The following TFAP4 variants were observed in gnomAD, a reference collection of about 807,000 sequenced individuals.
TFAP4 encodes the protein transcription factor AP-4.
TFAP4 carries 7 observed loss-of-function variants against 40.4 expected under a neutral mutation model. The ratio of observed to expected loss-of-function variants is 0.17; its 90% confidence interval spans 0.10 to 0.33. The LOEUF (loss-of-function observed/expected upper bound fraction) is 0.33, where lower values mean the gene tolerates loss of function less well. Ranked by LOEUF, TFAP4 falls within the 10% of genes least tolerant of loss-of-function variation. TFAP4 has a pLI of 1.00. For synonymous variants in TFAP4, 218 were observed against 181.4 expected, an observed-to-expected ratio of 1.20 and a Z score of -1.62; for missense variants, 374 against 451.1, an observed-to-expected ratio of 0.83 and a Z score of 1.55.
In TFAP4 at chr16:4,272,852, G is replaced by C. The variant is rs1409574134; in HGVS notation, c.-106C>G. The C allele has an allele frequency of 9.5e-6, 9 of 946,660 alleles. No individual in the cohort carries two copies. The highest frequency in any genetic ancestry group is 1.7e-5 in the African/African-American group (1 of 59,536). The allele number at this position is 946,660 out of a possible 1,614,324, so 58.6% of individuals were successfully genotyped here. On this transcript the variant is annotated 5_prime_UTR_variant, in exon 1 of 7. Transcript: ENST00000204517. Reference sequence around the variant, plus strand: ...CAGCGCCGGACGGAGGTGCAGAATCGGCCGGTCCCAGATGCTGGCGGCGGC... The same window carrying C: ...CAGCGCCGGACGGAGGTGCAGAATCCGCCGGTCCCAGATGCTGGCGGCGGC...
intron 1 of TFAP4, among the ~76,000 whole-genome samples, chr16:4,271,024 T>G (rs1178455339): frequency 6.6e-6 from 1 of 152,186 alleles, no homozygotes. Context: ...GCAAAGTGAG[T>G]CCCCAGAACA....
At chr16:4,260,731 T>C in intron 4 of TFAP4, 136 bp from the exon 5 acceptor site, 1 of 1,020,040 alleles carries the variant, frequency 9.8e-7, no homozygotes, top group Non-Finnish European at 1.3e-6. Context: ...CAGAAGCCTT[T>C]CCAGAGCCCT....
chr16:4,259,968 TC>T, intron 6 of TFAP4, 121 bp downstream of exon 6: 1 of 1,315,842 alleles, frequency 7.6e-7, no homozygotes, highest in African/African-American at 1.5e-5. Context: ...CTTCCAGCCC[TC>T]CACCCCTTCC....
At chr16:4,269,561 C>T (rs1460019252) in intron 1 of TFAP4, among the ~76,000 whole-genome samples, 2 of 145,410 alleles carry the variant, frequency 1.4e-5, no homozygotes, top group East Asian at 4.4e-4. Flanking sequence ...TCTGAAATCA[C>T]AGCACTTTGG....
chr16:4,271,661 G>A (rs2141098540), intron 1 of TFAP4, among the ~76,000 whole-genome samples: 1 of 152,310 alleles, frequency 6.6e-6, no homozygotes, highest in East Asian at 1.9e-4. Flanking sequence ...CACCCACCCG[G>A]CTGGGGGACC....
intron 6 of TFAP4, 163 bp from the exon 7 acceptor site, chr16:4,258,412 C>G: frequency 1.6e-6 from 1 of 618,630 alleles, no homozygotes; most frequent in East Asian, 3.0e-5. Context: ...GAAAAACAAA[C>G]TCCTTTTACT....
At chr16:4,270,729 A>C (rs1413800114) in intron 1 of TFAP4, among the ~76,000 whole-genome samples, 1 of 152,192 alleles carries the variant, frequency 6.6e-6, no homozygotes, top group Non-Finnish European at 1.5e-5. Context: ...GGGGGCCCTG[A>C]GAGGACTCAC....
In TFAP4 at chr16:4,257,894, C is replaced by T. The variant is rs1158176243; in HGVS notation, c.*161G>A. The T allele has an allele frequency of 6.8e-6, 5 of 731,194 alleles. No individual in the cohort carries two copies. Among genetic ancestry groups the T allele is most frequent in the Non-Finnish European group, 1.1e-5 (5 of 463,492 alleles). The allele number at this position is 731,194 out of a possible 1,614,324, so 45.3% of individuals were successfully genotyped here. A position where few individuals can be genotyped will look rare whatever the true frequency, so the allele number is the denominator to read the frequency against. Reference sequence around the variant, plus strand: ...CCCGGGACCTCGGGTTGAGTGGCTTCGTTCAAAGGTCGATTTACAGTATTG... The same window carrying T: ...CCCGGGACCTCGGGTTGAGTGGCTTTGTTCAAAGGTCGATTTACAGTATTG... On this transcript the variant is annotated 3_prime_UTR_variant, in exon 7 of 7. Coordinates refer to ENST00000204517, the MANE Select transcript of TFAP4 (RefSeq NM_003223.3).
At chr16:4,264,025 C>G (rs1182006822) in intron 1 of TFAP4, 1 of 152,444 alleles carries the variant, frequency 6.6e-6, no homozygotes, top group Non-Finnish European at 1.5e-5. Flanking sequence ...AGCCGCAGCC[C>G]CGGCCTCTTC....
chr16:4,258,467 G>C, intron 6 of TFAP4: 1 of 496,146 alleles, frequency 2.0e-6, no homozygotes, highest in East Asian at 3.5e-5. Flanking sequence ...AGGCTAGAGT[G>C]CAGTGGCATG....
chr16:4,272,574 G>C (rs2053048258), intron 1 of TFAP4, 84 bp downstream of exon 1: 1 of 1,078,616 alleles, frequency 9.3e-7, no homozygotes, highest in South Asian at 1.7e-5. Flanking sequence ...CGCGGGCCAT[G>C]CGTGCGCACA....
At chr16:4,267,427 G>A (rs2053006613) in intron 1 of TFAP4, among the ~76,000 whole-genome samples, 3 of 152,246 alleles carry the variant, frequency 2.0e-5, no homozygotes, top group Admixed American at 6.5e-5. Context: ...GCAGCCAATG[G>A]CCAAGGAACA....
At chr16:4,271,416 G>A (rs983111035) in intron 1 of TFAP4, among the ~76,000 whole-genome samples, 1 of 152,218 alleles carries the variant, frequency 6.6e-6, no homozygotes, top group South Asian at 2.1e-4. Context: ...GGGGCCACAG[G>A]TCCCAAACTT....
In TFAP4 at chr16:4,272,794, G is replaced by A. The variant is rs751669729; in HGVS notation, c.-48C>T. Reference sequence around the variant, plus strand: ...CACGAGCCAGGTCCCGCGATCAGCCGGAGAATGCAAGATGGAAATCCGAAT... The same window carrying A: ...CACGAGCCAGGTCCCGCGATCAGCCAGAGAATGCAAGATGGAAATCCGAAT... On this transcript the variant is annotated 5_prime_UTR_variant, in exon 1 of 7. Transcript: ENST00000204517. 1 of 1,573,280 alleles carries A rather than the reference G, an allele frequency of 6.4e-7. No homozygotes were observed. The highest frequency in any genetic ancestry group is 1.7e-5 in the Admixed American group (1 of 59,170).
intron 1 of TFAP4, among the ~76,000 whole-genome samples, chr16:4,269,607 C>A (rs1005097512): frequency 2.0e-5 from 3 of 150,828 alleles, no homozygotes; most frequent in East Asian, 2.0e-4. Flanking sequence ...ATCAGGAGAT[C>A]GAGACCATCC....
At chr16:4,272,385 C>A (rs942865931) in intron 1 of TFAP4, among the ~76,000 whole-genome samples, 1 of 152,084 alleles carries the variant, frequency 6.6e-6, no homozygotes, top group Non-Finnish European at 1.5e-5. Context: ...TGCTGCAGAA[C>A]CACGTGGGTC....
chr16:4,257,876 C>A lies in TFAP4; in HGVS notation c.*179G>T. ...GCTCTGCGACACCCCAGCCCCGGGA[C>A]CTCGGGTTGAGTGGCTTCGTTCAAA... On this transcript the variant is annotated 3_prime_UTR_variant, in exon 7 of 7. Coordinates refer to ENST00000204517, the MANE Select transcript of TFAP4 (RefSeq NM_003223.3). 3 of 659,384 alleles carry A rather than the reference C, an allele frequency of 4.5e-6. No individual in the cohort carries two copies. The East Asian group carries it at 8.9e-5, about 20-fold the overall frequency. 40.8% of individuals were successfully genotyped at this position (659,384 alleles called of 1,614,324 possible). A position where few individuals can be genotyped will look rare whatever the true frequency, so the allele number is the denominator to read the frequency against.
intron 1 of TFAP4, among the ~76,000 whole-genome samples, chr16:4,267,685 TCA>T (rs1044771479): frequency 1.3e-5 from 2 of 152,192 alleles, no homozygotes; most frequent in African/African-American, 4.8e-5. Flanking sequence ...AACTTTCATT[TCA>T]CACTGCCCTG....
chr16:4,262,414 A>G lies in TFAP4; in HGVS notation c.264T>C (p.Ile88=). The G allele has an allele frequency of 6.2e-7, 1 of 1,614,150 alleles. No homozygotes were observed. Among genetic ancestry groups the G allele is most frequent in the Non-Finnish European group, 8.5e-7 (1 of 1,180,020 alleles). Residue 88 remains isoleucine, a synonymous_variant, in exon 3 of 7, where the codon ATT becomes ATC. Transcript: ENST00000204517. ...AGATGTACTCGGCTGTCTGCTGGAG[A>G]ATGGCTGCCTGAGGGCGTGGAAAAG... ...TDGEKLSKAA[I]LQQTAEYIFS... is the part of the protein sequence containing the mutation.
Sources: allele counts gnomAD v4.1 joint callset (sites outside exome capture counted in the v4.1 genomes callset), GRCh38; gene constraint gnomAD v4.1.1; transcripts MANE v1.5; gene names NCBI Gene and HGNC (gene_info 2026-07-23, HGNC 2026-07-21).